The following TMCO6 variants were observed in gnomAD, a reference collection of about 807,000 sequenced individuals.
TMCO6 encodes the protein transmembrane and coiled-coil domain-containing protein 6.
A neutral mutation model predicts 61.8 loss-of-function variants in TMCO6; 47 were observed. That is an observed-to-expected ratio of 0.76 (90% CI 0.60 to 0.97). TMCO6 has a LOEUF of 0.97. TMCO6 is among the 50% of genes least tolerant of loss of function. The pLI is 0.00. For missense variants in TMCO6, 557 were observed against 601.6 expected (o/e 0.93, Z 0.78); for synonymous variants, 261 against 254.2 (o/e 1.03, Z -0.25).
rs1351731714 is a variant in TMCO6, at chr5:140,643,812, C to T, written c.951C>T (p.Asn317=). ...LACPVLRCLS[N]LLTEAAVETV... ...GCCCCGTGCTTCGATGTCTAAGCAACCTGCTAACTGAGGCAGCAGTGGAGA... is the reference window on the plus strand; with the variant it reads ...GCCCCGTGCTTCGATGTCTAAGCAATCTGCTAACTGAGGCAGCAGTGGAGA... The change falls in exon 9 of 12, where the codon AAC becomes AAT. Residue 317 remains asparagine (N), a synonymous_variant. Transcript: ENST00000394671. 2 of 1,614,090 alleles carry T rather than the reference C, an allele frequency of 1.2e-6. No homozygotes were observed. The highest frequency in any genetic ancestry group is 1.3e-5 in the African/African-American group (1 of 74,926).
At chr5:140,632,079 A>C in the TMCO6 span, 1 of 1,614,176 alleles carries the variant, frequency 6.2e-7, no homozygotes, top group South Asian at 1.1e-5. This position sits in a 1 kb window ranked among gnomAD's most constrained non-coding sequence, Gnocchi z 6.2. Flanking sequence ...GCTGAGATCG[A>C]GCACTCTGAG....
chr5:140,634,772 C>T (rs564071754), upstream of TMCO6, among the ~76,000 whole-genome samples: 3 of 152,018 alleles, frequency 2.0e-5, no homozygotes, highest in South Asian at 2.1e-4. Flanking sequence ...CCACCACACC[C>T]GGCCTGAAAG....
chr5:140,596,674 C>T, the TMCO6 span, among the ~76,000 whole-genome samples: 1 of 152,152 alleles, frequency 6.6e-6, no homozygotes, highest in Non-Finnish European at 1.5e-5. Context: ...CTGTTCCAGT[C>T]CCCCCTAGAA....
At chr5:140,615,189 C>G in the TMCO6 span, among the ~76,000 whole-genome samples, 4 of 152,120 alleles carry the variant, frequency 2.6e-5, no homozygotes, top group African/African-American at 9.7e-5. Context: ...AAAACAATTT[C>G]ATTTACAATA....
Position 140,642,435 on chromosome 5 carries a change from C to T in TMCO6, c.603+16C>T. 6.2e-7 allele frequency: 1 copy of T among 1,610,336 alleles called. No individual in the cohort carries two copies. On this transcript the variant is annotated intron_variant, in intron 5 of 11. Transcript: ENST00000394671. Reference sequence around the variant, plus strand: ...CTGCATCCAGGTGACTCCTTTCTTCCTCCCTGGGCAACCCTTCCTTTGCTC... The same window carrying T: ...CTGCATCCAGGTGACTCCTTTCTTCTTCCCTGGGCAACCCTTCCTTTGCTC...
At chr5:140,642,450 T>A in intron 5 of TMCO6, 31 bp downstream of exon 5, 1 of 1,608,300 alleles carries the variant, frequency 6.2e-7, no homozygotes. Flanking sequence ...TGGGCAACCC[T>A]TCCTTTGCTC....
chr5:140,632,561 T>G, the TMCO6 span: 1 of 1,614,100 alleles, frequency 6.2e-7, no homozygotes, highest in Non-Finnish European at 8.5e-7. The surrounding 1 kb of genome is among the most constrained non-coding windows in gnomAD (Gnocchi z 6.2). Context: ...AAAGTGCAAG[T>G]CCTGTGGCTT....
the TMCO6 span, among the ~76,000 whole-genome samples, chr5:140,605,725 ACACACACACACAC>A: frequency 9.2e-6 from 1 of 108,298 alleles, no homozygotes; most frequent in Non-Finnish European, 2.1e-5. Flanking sequence ...ACACACACAC[ACACACACACACAC>A]AAAGAAAGAA....
chr5:140,639,137 T>TG (rs1561941691), upstream of TMCO6: 1 of 188,422 alleles, frequency 5.3e-6, no homozygotes, highest in East Asian at 1.7e-4. Flanking sequence ...TTCCCGCAGT[T>TG]CGGGATTGTT....
upstream of TMCO6, among the ~76,000 whole-genome samples, chr5:140,637,954 TTTTC>T (rs1349042103): frequency 2.1e-3 from 318 of 150,206 alleles, 9 homozygotes; most frequent in Admixed American, 0.019. Flanking sequence ...TCCTCTTTTC[TTTTC>T]TTTCTTTCTT....
chr5:140,623,790 A>G, the TMCO6 span, among the ~76,000 whole-genome samples: 1 of 152,158 alleles, frequency 6.6e-6, no homozygotes, highest in African/African-American at 2.4e-5. Context: ...TATGTTGCCC[A>G]GGCTAGTCTC....
At chr5:140,629,925 C>T in the TMCO6 span, among the ~76,000 whole-genome samples, 5 of 130,688 alleles carry the variant, frequency 3.8e-5, no homozygotes, top group Non-Finnish European at 6.3e-5. Context: ...AAGAGTGAAA[C>T]TCTGCCTCAA....
At chr5:140,643,162 C>CT in intron 7 of TMCO6, 121 bp downstream of exon 7, 1 of 1,406,806 alleles carries the variant, frequency 7.1e-7, no homozygotes, top group South Asian at 1.3e-5. Context: ...ACTGTCTTCT[C>CT]TTTTTGGAGC....
chr5:140,644,333 G>A (rs1033203136), intron 10 of TMCO6, 139 bp downstream of exon 10: 1 of 1,021,798 alleles, frequency 9.8e-7, no homozygotes, highest in African/African-American at 1.6e-5. Flanking sequence ...ATCTAGGTGT[G>A]TGTCCCTTAA....
Position 140,639,600 on chromosome 5 carries a change from G to T in TMCO6, c.73G>T (p.Glu25Ter). 6.5e-7 allele frequency: 1 copy of T among 1,544,194 alleles called. No individual in the cohort carries two copies. The highest frequency in any genetic ancestry group is 1.2e-5 in the South Asian group (1 of 83,326). ...GGAGGAGCTACGGCGCCGCCGGCGG[G>T]AGCGGGAGGCAGGTGTGGGCGGCCG... ...GVEELRRRRR[E>*]REAALRKARR... Residue 25 changes from glutamate (E) to a stop codon, truncating the protein, a stop_gained, in exon 1 of 12, where the codon GAG becomes TAG. Coordinates refer to ENST00000394671, the MANE Select transcript of TMCO6 (RefSeq NM_018502.5). LOFTEE classifies it high-confidence loss of function.
chr5:140,632,945 C>T, the TMCO6 span: 15 of 1,614,106 alleles, frequency 9.3e-6, no homozygotes, highest in East Asian at 3.3e-4. This position sits in a 1 kb window ranked among gnomAD's most constrained non-coding sequence, Gnocchi z 6.2. Context: ...CGTGCACCAG[C>T]GGCAGCAGCA....
At chr5:140,642,498 C>T (rs1171180448) in intron 5 of TMCO6, 79 bp downstream of exon 5, 34 of 1,601,314 alleles carry the variant, frequency 2.1e-5, no homozygotes, top group Non-Finnish European at 2.7e-5. Context: ...TAGGTAGCTC[C>T]AGCCTCTGCC....
chr5:140,607,654 C>G, the TMCO6 span, among the ~76,000 whole-genome samples: 1 of 152,168 alleles, frequency 6.6e-6, no homozygotes, highest in Non-Finnish European at 1.5e-5. Flanking sequence ...TACCATATCA[C>G]ATTCCCACCG....
chr5:140,642,332 A>G lies in TMCO6; in HGVS notation c.516A>G (p.Thr172=), dbSNP rs1377386975. 2 of 1,613,088 alleles carry G rather than the reference A, an allele frequency of 1.2e-6. No individual in the cohort carries two copies. Among genetic ancestry groups the G allele is most frequent in the East Asian group, 2.2e-5 (1 of 44,872 alleles). Residue 172 remains threonine (T), a synonymous_variant, in exon 5 of 12, where the codon ACA becomes ACG. Transcript: ENST00000394671. ...SSDFIELCLY[T]LGNLIVESEA... is the part of the protein sequence containing the mutation. ...GTTCTCAGGAGCTGTGTCTGTATAC[A>G]CTGGGTAACCTGATCGTGGAGAGTG...
Sources: allele counts gnomAD v4.1 joint callset (sites outside exome capture counted in the v4.1 genomes callset), GRCh38; gene constraint gnomAD v4.1.1; non-coding constraint Gnocchi (gnomAD v3.1); transcripts MANE v1.5; gene names NCBI Gene and HGNC (gene_info 2026-07-23, HGNC 2026-07-21).